GAL3ST2: variants seen among roughly 807,000 people sequenced by gnomAD.
GAL3ST2 encodes the protein beta-galactose-3-O-sulfotransferase 2.
A neutral mutation model predicts 12.9 loss-of-function variants in GAL3ST2; 16 were observed. The observed-to-expected ratio is 1.24, with a 90% CI of 0.84 to 1.88. The LOEUF (loss-of-function observed/expected upper bound fraction) is 1.88. Ranked by LOEUF, GAL3ST2 falls within the 40% of genes most tolerant of loss-of-function variation. The pLI is 0.00. For synonymous variants in GAL3ST2, 302 were observed against 273.9 expected, an observed-to-expected ratio of 1.10 and a Z score of -1.01; for missense variants, 639 against 571.8, an observed-to-expected ratio of 1.12 and a Z score of -1.20.
At chr2:241,780,795 C>T (rs1699556989) in intron 1 of GAL3ST2, among the ~76,000 whole-genome samples, 1 of 152,198 alleles carries the variant, frequency 6.6e-6, no homozygotes, top group South Asian at 2.1e-4. Flanking sequence ...TGATCCTCTC[C>T]TCTTGAGGAT....
rs1233025665 is a variant in GAL3ST2 at position 241,800,298 on chromosome 2, G to A, written c.119+1144G>A. On this transcript the variant is annotated intron_variant, in intron 2 of 3. Transcript: ENST00000192314. This position sits in a 1 kb window ranked among gnomAD's most constrained non-coding sequence, Gnocchi z 5.2. Reference sequence around the variant, plus strand: ...AAAGTGTGGACATCCCACAGGCTGGGAGCACAGCCGCCGACCCAGGCTGGG... The same window carrying A: ...AAAGTGTGGACATCCCACAGGCTGGAAGCACAGCCGCCGACCCAGGCTGGG... Among the ~76,000 whole-genome samples, 1 of 150,676 alleles carries A rather than the reference G, an allele frequency of 6.6e-6. No homozygotes were observed. The highest frequency in any genetic ancestry group is 2.4e-5 in the African/African-American group (1 of 41,010).
In GAL3ST2 at chr2:241,801,356, C is replaced by CA; in HGVS notation, c.120-425_120-424insA. On this transcript the variant is annotated intron_variant, in intron 2 of 3. Transcript: ENST00000192314. The surrounding 1 kb of genome is among the most constrained non-coding windows in gnomAD (Gnocchi z 4.4). ...ATGTGCCACATTTTCTTTACGGTCTCTATGTAACATTCACACCCGGCAGCT... is the reference window on the plus strand; with the variant it reads ...ATGTGCCACATTTTCTTTACGGTCTCATATGTAACATTCACACCCGGCAGCT... 7 of 188,380 alleles carry CA rather than the reference C, an allele frequency of 3.7e-5. No individual in the cohort carries two copies. Among genetic ancestry groups the CA allele is most frequent in the Admixed American group, 1.2e-4 (2 of 17,224 alleles). 11.7% of individuals were successfully genotyped at this position (188,380 alleles called of 1,614,324 possible). A position where few individuals can be genotyped will look rare whatever the true frequency, so the allele number is the denominator to read the frequency against.
At position 241,795,328 on chromosome 2, in the gene GAL3ST2, T is replaced by C. The variant is rs1699759591; in HGVS notation, c.30-3737T>C. Reference sequence around the variant, plus strand: ...TTCTCTGGAAACGTCATTGTTTTAATTGGGCAGTTGCAAAGAACAGAGACA... The same window carrying C: ...TTCTCTGGAAACGTCATTGTTTTAACTGGGCAGTTGCAAAGAACAGAGACA... On this transcript the variant is annotated intron_variant, in intron 1 of 3. Transcript: ENST00000192314. This position sits in a 1 kb window ranked among gnomAD's most constrained non-coding sequence, Gnocchi z 4.5. 2.0e-5 allele frequency among the ~76,000 whole-genome samples: 3 copies of C among 152,208 alleles called. No homozygotes were observed. Among genetic ancestry groups the C allele is most frequent in the South Asian group, 4.1e-4 (2 of 4,824 alleles).
At position 241,800,629 on chromosome 2, in the gene GAL3ST2, CG is replaced by C. The variant is rs1158771122; in HGVS notation, c.120-1148del. On this transcript the variant is annotated intron_variant, in intron 2 of 3. Transcript: ENST00000192314. The surrounding 1 kb of genome is among the most constrained non-coding windows in gnomAD (Gnocchi z 5.2). ...CCTCTGTAAACCGCCAGAACCAGTC[CG>C]GGGCTGGGGGTCCCTGCTCAGGGGA... 2.0e-5 allele frequency among the ~76,000 whole-genome samples: 3 copies of C among 152,156 alleles called. No individual in the cohort carries two copies. The highest frequency in any genetic ancestry group is 4.4e-5 in the Non-Finnish European group (3 of 68,032).
intron 1 of GAL3ST2, among the ~76,000 whole-genome samples, chr2:241,791,670 G>T (rs371554066): frequency 8.5e-5 from 13 of 152,186 alleles, no homozygotes; most frequent in East Asian, 1.9e-4. Flanking sequence ...CTCCTATGGA[G>T]CAATGTTCCA....
intron 1 of GAL3ST2, among the ~76,000 whole-genome samples, chr2:241,789,710 C>T (rs1483545828): frequency 3.9e-5 from 6 of 152,062 alleles, no homozygotes; most frequent in African/African-American, 7.2e-5. Context: ...GGTGAAGCCC[C>T]GTCCCGGGGC....
chr2:241,799,780 C>T (rs1162634845), intron 2 of GAL3ST2, among the ~76,000 whole-genome samples: 1 of 152,188 alleles, frequency 6.6e-6, no homozygotes, highest in African/African-American at 2.4e-5. Context: ...AGGACCCTGT[C>T]TTTGCTCACC....
Position 241,803,689 on chromosome 2 carries a change from G to A in GAL3ST2, c.720G>A (p.Arg240=). 6.5e-7 allele frequency: 1 copy of A among 1,545,504 alleles called. No individual in the cohort carries two copies. Among genetic ancestry groups the A allele is most frequent in the South Asian group, 1.2e-5 (1 of 83,644 alleles). Residue 240 remains arginine, a synonymous_variant, in exon 4 of 4, where the codon CGG becomes CGA. Transcript: ENST00000192314. The stretch of plus-strand genomic sequence containing the variant: ...AGTCCCTGGTGCTGCTGCGGCGCCG[G>A]CTGCGCTGGGCGCTGGACGACGTGG... ...LDESLVLLRR[R]LRWALDDVVA...
rs777858335 is a variant in GAL3ST2 at position 241,803,513 on chromosome 2, C to T, written c.544C>T (p.Arg182Cys). 6 of 1,611,072 alleles carry T rather than the reference C, an allele frequency of 3.7e-6. No individual in the cohort carries two copies. The African/African-American group carries it at 6.7e-5, about 18-fold the overall frequency. ...ASPRTFYNDS[R>C]HLRNVYAKNN... is the part of the protein sequence containing the mutation. Reference sequence around the variant, plus strand: ...GCCGCGGACGTTCTACAACGACAGCCGCCACCTCAGGAACGTCTACGCCAA... The same window carrying T: ...GCCGCGGACGTTCTACAACGACAGCTGCCACCTCAGGAACGTCTACGCCAA... Residue 182 changes from arginine to cysteine, a missense_variant, in exon 4 of 4, where the codon CGC (arginine) becomes TGC (cysteine). By Grantham distance (180) the Arg-to-Cys change is radical (BLOSUM62 -3). Transcript: ENST00000192314.
At chr2:241,781,340 T>A (rs1017506946) in intron 1 of GAL3ST2, among the ~76,000 whole-genome samples, 14 of 152,146 alleles carry the variant, frequency 9.2e-5, no homozygotes, top group African/African-American at 3.4e-4. Flanking sequence ...ACATTTCAGC[T>A]CTCCATGAGA....
intron 1 of GAL3ST2, among the ~76,000 whole-genome samples, chr2:241,787,282 C>T (rs567187548): frequency 2.8e-4 from 43 of 152,212 alleles, no homozygotes; most frequent in African/African-American, 1.0e-3. Flanking sequence ...CAAACAAATG[C>T]GCATCGTCAA....
intron 1 of GAL3ST2, among the ~76,000 whole-genome samples, chr2:241,784,316 A>G (rs906684913): frequency 7.2e-5 from 11 of 152,196 alleles, no homozygotes; most frequent in African/African-American, 2.2e-4. Flanking sequence ...TACAGGCGTG[A>G]GCCACCATGC....
chr2:241,804,258 G>T lies in GAL3ST2; in HGVS notation c.*92G>T. ...CCGGGGATCCTTGCAGGGCTTCTGG[G>T]GCGTTGGGAAACCCAGGCCCGCCGG... is the stretch of plus-strand genomic sequence containing the variant. On this transcript the variant is annotated 3_prime_UTR_variant, in exon 4 of 4. Coordinates refer to ENST00000192314, the MANE Select transcript of GAL3ST2 (RefSeq NM_022134.3). The T allele has an allele frequency of 8.5e-7, 1 of 1,171,108 alleles. No homozygotes were observed. Among genetic ancestry groups the T allele is most frequent in the Admixed American group, 4.1e-5 (1 of 24,502 alleles). 72.5% of individuals were successfully genotyped at this position (1,171,108 alleles called of 1,614,324 possible).
intron 1 of GAL3ST2, among the ~76,000 whole-genome samples, chr2:241,796,474 G>T (rs1699773270): frequency 6.6e-6 from 1 of 151,654 alleles, no homozygotes; most frequent in Non-Finnish European, 1.5e-5. Context: ...CGGAGCTGAT[G>T]GTCGTCACGT....
chr2:241,804,198 G>A lies in GAL3ST2; in HGVS notation c.*32G>A. The A allele has an allele frequency of 7.3e-7, 1 of 1,378,640 alleles. No individual in the cohort carries two copies. 85.4% of individuals were successfully genotyped at this position (1,378,640 alleles called of 1,614,324 possible). On this transcript the variant is annotated 3_prime_UTR_variant, in exon 4 of 4. Transcript: ENST00000192314. ...CGGGCCGGGGACGAGGCCTCCTGCG[G>A]ACACCAGCTCCTCTCTCCGCCGTCA...
intron 1 of GAL3ST2, among the ~76,000 whole-genome samples, chr2:241,782,952 A>C (rs1290858983): frequency 6.6e-6 from 1 of 152,150 alleles, no homozygotes; most frequent in Non-Finnish European, 1.5e-5. Flanking sequence ...AGCTTGGTCA[A>C]CATGGTGAAA....
Position 241,804,084 on chromosome 2 carries a change from C to T in GAL3ST2, c.1115C>T (p.Pro372Leu). 1 of 1,539,568 alleles carries T rather than the reference C, an allele frequency of 6.5e-7. No individual in the cohort carries two copies. Residue 372 changes from proline (P) to leucine (L), a missense_variant, in exon 4 of 4, where the codon CCT (proline) becomes CTT (leucine). Pro to Leu is a moderately conservative substitution (Grantham distance 98). Coordinates refer to ENST00000192314, the MANE Select transcript of GAL3ST2 (RefSeq NM_022134.3). ...GGCGTGTGCCAGAGGCTTGTGATGC[C>T]TGAGCTCCAGTACATGGCCCGCCTG... ...TLGVCQRLVM[P>L]ELQYMARLYA...
chr2:241,779,708 G>A (rs1036392862), intron 1 of GAL3ST2, among the ~76,000 whole-genome samples: 9 of 151,704 alleles, frequency 5.9e-5, no homozygotes, highest in East Asian at 2.0e-4. Flanking sequence ...TTATGTGGCC[G>A]GGCGCGGTGG....
chr2:241,786,401 T>G (rs1699629150), intron 1 of GAL3ST2, among the ~76,000 whole-genome samples: 1 of 152,126 alleles, frequency 6.6e-6, no homozygotes, highest in Admixed American at 6.5e-5. Context: ...ACCAGCTGGT[T>G]GATAACTTTA....
Sources: gnomAD v4.1 joint callset for allele counts (sites outside exome capture counted in the v4.1 genomes callset) on GRCh38, gnomAD v4.1.1 for gene constraint, Gnocchi (gnomAD v3.1) non-coding constraint, MANE v1.5 for transcripts, NCBI Gene and HGNC (gene_info 2026-07-23, HGNC 2026-07-21) for gene names.